USP37: variants seen among roughly 807,000 people sequenced by gnomAD.
The protein encoded by USP37 is ubiquitin carboxyl-terminal hydrolase 37.
A neutral mutation model predicts 124.0 loss-of-function variants in USP37; 27 were observed. The ratio of observed to expected loss-of-function variants is 0.22; its 90% confidence interval spans 0.16 to 0.30. The LOEUF is 0.30. Among genes scored for constraint, USP37 ranks in the 10% least tolerant of loss-of-function variants. The probability of loss-of-function intolerance (pLI) is 1.00; values close to 1 mark genes in which losing one functional copy is unlikely to be tolerated. For missense variants in USP37, 889 were observed against 1,140.4 expected, an observed-to-expected ratio of 0.78 and a Z score of 3.17; for synonymous variants, 365 against 388.0, an observed-to-expected ratio of 0.94 and a Z score of 0.70.
intron 17 of USP37, among the ~76,000 whole-genome samples, chr2:218,480,331 C>T (rs1479337315): frequency 1.9e-4 from 26 of 139,468 alleles, no homozygotes; most frequent in Non-Finnish European, 3.5e-4. Flanking sequence ...AGCCGGGAGG[C>T]GCAGCTTGCA....
chr2:218,545,801 T>C (rs1467369844), intron 8 of USP37, among the ~76,000 whole-genome samples: 1 of 152,204 alleles, frequency 6.6e-6, no homozygotes, highest in African/African-American at 2.4e-5. Context: ...GCTACTTGCC[T>C]AGAACACATA....
intron 10 of USP37, among the ~76,000 whole-genome samples, chr2:218,523,007 G>A (rs1690744920): frequency 6.6e-6 from 1 of 152,042 alleles, no homozygotes; most frequent in Non-Finnish European, 1.5e-5. Context: ...TGGGCGCGGT[G>A]GCTTACGCTT....
chr2:218,515,884 T>C (rs918495352), intron 10 of USP37, among the ~76,000 whole-genome samples: 5 of 152,128 alleles, frequency 3.3e-5, no homozygotes, highest in Non-Finnish European at 7.3e-5. Flanking sequence ...GTGAAGGATA[T>C]GAACAGACAC....
Position 218,454,690 on chromosome 2 carries a change from A to G in USP37, c.*240T>C. On this transcript the variant is annotated 3_prime_UTR_variant, in exon 26 of 26. Coordinates refer to ENST00000258399, the MANE Select transcript of USP37 (RefSeq NM_020935.3). ...TATTTACAACATGTATTCCTAAGAC[A>G]AAAGAAGTGCCACTCATAGGAGAAA... 1.6e-6 allele frequency: 1 copy of G among 636,826 alleles called. No individual in the cohort carries two copies. The highest frequency in any genetic ancestry group is 2.5e-6 in the Non-Finnish European group (1 of 401,682). The allele number at this position is 636,826 out of a possible 1,614,324, so 39.4% of individuals were successfully genotyped here.
At chr2:218,549,461 T>C (rs959020313) in intron 6 of USP37, among the ~76,000 whole-genome samples, 1 of 133,642 alleles carries the variant, frequency 7.5e-6, no homozygotes, top group Non-Finnish European at 1.5e-5. Flanking sequence ...AGTCTATGAC[T>C]ATCTTTTTTT....
At position 218,466,068 on chromosome 2, in the gene USP37, T is replaced by C; in HGVS notation, c.2408A>G (p.Glu803Gly). 1.2e-6 allele frequency: 2 copies of C among 1,613,874 alleles called. No individual in the cohort carries two copies. Among genetic ancestry groups the C allele is most frequent in the Non-Finnish European group, 1.7e-6 (2 of 1,179,972 alleles). The change falls in exon 21 of 26, where the codon GAG (glutamate) becomes GGG (glycine). Residue 803 changes from glutamate (E) to glycine (G), a missense_variant. Coordinates refer to ENST00000258399, the MANE Select transcript of USP37 (RefSeq NM_020935.3). ...EVDWLQQYDM[E>G]REREEQELQQ... is the part of the protein sequence containing the mutation. ...AAGCTCTTGCTCTTCCCTTTCACGC[T>C]CCATATCATACTGCTGGAGCCAATC...
intron 14 of USP37, among the ~76,000 whole-genome samples, chr2:218,495,283 A>AG (rs1689020368): frequency 6.6e-6 from 1 of 152,170 alleles, no homozygotes; most frequent in African/African-American, 2.4e-5. Context: ...CTGGGATTAT[A>AG]GGTGTGCATC....
intron 10 of USP37, among the ~76,000 whole-genome samples, chr2:218,519,073 G>A (rs1008984476): frequency 2.0e-5 from 3 of 152,200 alleles, no homozygotes; most frequent in Non-Finnish European, 4.4e-5. Flanking sequence ...TACCACAAAT[G>A]ACAACCAAGT....
chr2:218,477,018 A>G (rs1302548654), intron 18 of USP37, 37 bp from the exon 19 acceptor site: 8 of 1,474,612 alleles, frequency 5.4e-6, no homozygotes, highest in African/African-American at 2.9e-5. Flanking sequence ...CCTGATAAAC[A>G]TTTGTCTTTG....
intron 14 of USP37, among the ~76,000 whole-genome samples, chr2:218,494,713 T>C (rs979762939): frequency 3.3e-5 from 5 of 152,174 alleles, no homozygotes; most frequent in Non-Finnish European, 5.9e-5. Context: ...CTGAAAAAAA[T>C]CTATTCAGAG....
At chr2:218,477,873 T>G (rs553223125) in intron 18 of USP37, among the ~76,000 whole-genome samples, 5 of 152,194 alleles carry the variant, frequency 3.3e-5, no homozygotes, top group Non-Finnish European at 7.3e-5. Context: ...TTCAGTTATA[T>G]AAAAATTCAC....
Position 218,482,114 on chromosome 2 carries a change from A to G in USP37, c.1791T>C (p.Asn597=). The part of the protein sequence containing the change: ...YLTLSSHCTE[N]TKPPFTLGWS... ...AACCAAGGGTAAAAGGTGGTTTTGT[A>G]TTTTCAGTGCAATGAGATGACAGGG... Residue 597 remains asparagine, a synonymous_variant, in exon 17 of 26, where the codon AAT becomes AAC. Coordinates refer to ENST00000258399, the MANE Select transcript of USP37 (RefSeq NM_020935.3). The G allele has an allele frequency of 6.2e-7, 1 of 1,613,324 alleles. No individual in the cohort carries two copies. The highest frequency in any genetic ancestry group is 8.5e-7 in the Non-Finnish European group (1 of 1,179,476).
chr2:218,459,194 T>C (rs1689869376), intron 23 of USP37, among the ~76,000 whole-genome samples: 1 of 152,096 alleles, frequency 6.6e-6, no homozygotes, highest in Non-Finnish European at 1.5e-5. Flanking sequence ...TTATTCAGTG[T>C]AACTAAAGGT....
At chr2:218,459,730 AAAGAGTGGG>A (rs1689904229) in intron 23 of USP37, 51 bp downstream of exon 23, 1 of 1,455,788 alleles carries the variant, frequency 6.9e-7, no homozygotes, top group African/African-American at 1.4e-5. Flanking sequence ...CCTTTGAAGT[AAAGAGTGGG>A]AAGAGTGACA....
At chr2:218,529,924 A>C (rs1202649338) in intron 10 of USP37, 32 bp downstream of exon 10, 3 of 1,487,602 alleles carry the variant, frequency 2.0e-6, no homozygotes, top group Admixed American at 2.1e-5. Flanking sequence ...AGAACTCCTA[A>C]GTTTTTCACA....
chr2:218,550,634 AG>A (rs1285307624), intron 5 of USP37, among the ~76,000 whole-genome samples: 72 of 151,056 alleles, frequency 4.8e-4, no homozygotes, highest in Admixed American at 1.3e-3. Context: ...AAAAGAAAAA[AG>A]AAAAAAAAAA....
rs549260345 is a variant in USP37 at position 218,487,611 on chromosome 2, G to A, written c.1590+693C>T. On this transcript the variant is annotated intron_variant, in intron 15 of 25. Coordinates refer to ENST00000258399, the MANE Select transcript of USP37 (RefSeq NM_020935.3). ...ATTTTTTGTATTTTTAGTAGAGACC[G>A]GGTTTCACCATGTTGGCCAGGATGA... Among the ~76,000 whole-genome samples, 33 of 151,938 alleles carry A rather than the reference G, an allele frequency of 2.2e-4. 2 individuals carry two copies. In the South Asian group the frequency reaches 6.2e-3, roughly 29 times the overall value.
chr2:218,472,558 C>T (rs570222657), intron 20 of USP37, among the ~76,000 whole-genome samples: 1 of 152,152 alleles, frequency 6.6e-6, no homozygotes, highest in Admixed American at 6.5e-5. Flanking sequence ...CCTCCACCTC[C>T]TGGGTTCAGG....
chr2:218,539,492 A>G (rs1209853559), intron 8 of USP37, among the ~76,000 whole-genome samples: 1 of 151,850 alleles, frequency 6.6e-6, no homozygotes, highest in African/African-American at 2.4e-5. Flanking sequence ...AGGCGGGCAG[A>G]TCACTTGAGC....
Sources: gnomAD v4.1 joint callset for allele counts (sites outside exome capture counted in the v4.1 genomes callset) on GRCh38, gnomAD v4.1.1 for gene constraint, MANE v1.5 for transcripts, NCBI Gene and HGNC (gene_info 2026-07-23, HGNC 2026-07-21) for gene names.